The following KIAA2012 variants were observed in gnomAD, a reference collection of about 807,000 sequenced individuals.
KIAA2012 encodes uncharacterized protein KIAA2012.
KIAA2012 carries 125 observed loss-of-function variants against 150.6 expected under a neutral mutation model. That is an observed-to-expected ratio of 0.83 (90% CI 0.72 to 0.96). The LOEUF is 0.96. Among genes scored for constraint, KIAA2012 ranks in the 40% least tolerant of loss-of-function variants. KIAA2012 has a pLI of 0.00. For missense variants in KIAA2012, 1,219 were observed against 1,354.9 expected (o/e 0.90, Z 1.57); for synonymous variants, 462 against 504.7 (o/e 0.92, Z 1.13).
chr2:202,087,576 A>G (rs1253388913), intron 2 of KIAA2012, among the ~76,000 whole-genome samples: 3 of 150,452 alleles, frequency 2.0e-5, no homozygotes, highest in East Asian at 3.9e-4. Context: ...AGATTTAATT[A>G]TCTCAAGTAA....
chr2:202,153,792 A>T (rs774874871), intron 13 of KIAA2012, among the ~76,000 whole-genome samples: 2 of 152,216 alleles, frequency 1.3e-5, no homozygotes, highest in Non-Finnish European at 2.9e-5. Flanking sequence ...TGCCTGGCAT[A>T]GAAAAGACAC....
At chr2:202,180,773 C>T (rs1258523743) in intron 15 of KIAA2012, among the ~76,000 whole-genome samples, 1 of 152,058 alleles carries the variant, frequency 6.6e-6, no homozygotes, top group African/African-American at 2.4e-5. Flanking sequence ...TGTAGTGAGC[C>T]GAGATCGCAC....
intron 10 of KIAA2012, among the ~76,000 whole-genome samples, chr2:202,110,152 G>A (rs552379940): frequency 1.3e-4 from 20 of 152,158 alleles, no homozygotes; most frequent in Non-Finnish European, 2.5e-4. Flanking sequence ...AAGAGAGCCC[G>A]ATGAGCCTGC....
intron 13 of KIAA2012, among the ~76,000 whole-genome samples, chr2:202,148,663 G>A (rs947426875): frequency 2.0e-4 from 31 of 152,194 alleles, no homozygotes; most frequent in Non-Finnish European, 1.5e-5. Context: ...TCCTCAGAAA[G>A]AGGCTATGCG....
chr2:202,113,392 G>A lies in KIAA2012; in HGVS notation c.1708G>A (p.Val570Ile). Residue 570 changes from valine to isoleucine, a missense_variant, in exon 11 of 24, where the codon GTC (valine) becomes ATC (isoleucine). By Grantham distance (29) the Val-to-Ile change is conservative. Transcript: ENST00000498697. ...CTTGCTGGGTCCAGATGGAGAAAAA[G>A]TCTGCCTGTCCCTCCCAGGGCATAC... Reference protein sequence around the residue: ...HFLLGPDGEKVCLSLPGHTQT... With the variant: ...HFLLGPDGEKICLSLPGHTQT... The A allele has an allele frequency of 6.4e-7, 1 of 1,550,550 alleles. No homozygotes were observed. Among genetic ancestry groups the A allele is most frequent in the South Asian group, 1.2e-5 (1 of 84,052 alleles).
chr2:202,177,507 G>A (rs147958108), intron 15 of KIAA2012, among the ~76,000 whole-genome samples: 44 of 152,274 alleles, frequency 2.9e-4, no homozygotes, highest in African/African-American at 9.1e-4. Flanking sequence ...GTGTCCTCAC[G>A]TGGTGGGAGG....
intron 2 of KIAA2012, among the ~76,000 whole-genome samples, chr2:202,090,165 G>A (rs1298721375): frequency 1.3e-5 from 2 of 152,240 alleles, no homozygotes; most frequent in African/African-American, 2.4e-5. Flanking sequence ...TGAGGTGAAA[G>A]TTCTTTGTAT....
chr2:202,144,257 C>T (rs1044299047), intron 13 of KIAA2012, among the ~76,000 whole-genome samples: 19 of 152,038 alleles, frequency 1.2e-4, no homozygotes, highest in African/African-American at 4.6e-4. Context: ...GTGTTATATC[C>T]CTTTCTTCAC....
At chr2:202,162,928 CAAAAAA>C (rs530486463) in intron 14 of KIAA2012, among the ~76,000 whole-genome samples, 1 of 90,224 alleles carries the variant, frequency 1.1e-5, no homozygotes. Context: ...GACTCCGTCT[CAAAAAA>C]AAAAAAAAAA....
intron 2 of KIAA2012, among the ~76,000 whole-genome samples, 173 bp downstream of exon 2, chr2:202,075,348 C>T (rs1689303875): frequency 6.6e-6 from 1 of 152,204 alleles, no homozygotes; most frequent in East Asian, 1.9e-4. Flanking sequence ...CTGCTGCACA[C>T]CATTGTCACA....
intron 13 of KIAA2012, among the ~76,000 whole-genome samples, chr2:202,144,865 T>C (rs950977247): frequency 6.6e-6 from 1 of 152,246 alleles, no homozygotes; most frequent in African/African-American, 2.4e-5. Context: ...AGAAAAACCC[T>C]ATCTCCTCTA....
At position 202,109,719 on chromosome 2, in the gene KIAA2012, A is replaced by C; in HGVS notation, c.1581A>C (p.Thr527=). Reference sequence around the variant, plus strand: ...AGAAGGGCGTGGACAGCCCTAGGACATCAGACCACAACAGCCCCCCAAGTC... The same window carrying C: ...AGAAGGGCGTGGACAGCCCTAGGACCTCAGACCACAACAGCCCCCCAAGTC... ...ESQKGVDSPR[T]SDHNSPPSLP... Residue 527 remains threonine, a synonymous_variant, in exon 10 of 24, where the codon ACA becomes ACC. Transcript: ENST00000498697. 6.4e-7 allele frequency: 1 copy of C among 1,550,562 alleles called. No homozygotes were observed. Among genetic ancestry groups the C allele is most frequent in the Non-Finnish European group, 8.7e-7 (1 of 1,146,956 alleles).
rs75115647 is a variant in KIAA2012, at chr2:202,123,573, C to T, written c.1763-1641C>T. ...GTGTGTGCCCTGAGATGCAGGAGCA[C>T]CGAGAGGCAGGCTTTGTCAAGCCCC... On this transcript the variant is annotated intron_variant, in intron 11 of 23. Coordinates refer to ENST00000498697, the MANE Select transcript of KIAA2012 (RefSeq NM_001277372.4). Among the ~76,000 whole-genome samples, 215 of 152,260 alleles carry T rather than the reference C, an allele frequency of 1.4e-3. 5 individuals carry two copies. In the East Asian group the frequency reaches 0.041, roughly 29 times the overall value.
In KIAA2012 at chr2:202,165,282, A is replaced by G. The variant is rs1427563642; in HGVS notation, c.2047-2A>G. The G allele has an allele frequency of 6.5e-7, 1 of 1,550,164 alleles. No homozygotes were observed. Among genetic ancestry groups the G allele is most frequent in the Admixed American group, 2.0e-5 (1 of 50,996 alleles). On this transcript the variant is annotated splice_acceptor_variant, in intron 14 of 23. Transcript: ENST00000498697. LOFTEE classifies it high-confidence loss of function. ...ATTCTTTGTTGTGTGTTAACCCAATAGGAAAGTGGAAATGCACTGGACTAT... is the reference window on the plus strand; with the variant it reads ...ATTCTTTGTTGTGTGTTAACCCAATGGGAAAGTGGAAATGCACTGGACTAT...
chr2:202,112,085 A>G (rs950706050), intron 10 of KIAA2012, among the ~76,000 whole-genome samples: 7 of 152,166 alleles, frequency 4.6e-5, no homozygotes, highest in Non-Finnish European at 1.0e-4. Context: ...GTTATTAATA[A>G]TGAGCCCCTT....
Position 202,192,514 on chromosome 2 carries a change from A to G in KIAA2012, c.2812-787A>G, listed in dbSNP as rs539678047. Among the ~76,000 whole-genome samples the G allele has an allele frequency of 2.0e-5, 3 of 147,610 alleles. No homozygotes were observed. The Admixed American group carries it at 2.1e-4, about 10-fold the overall frequency. ...CTCTTTTTGCCCAGGCTGGAGTGCAATGGCGCAATCTCGGCTCACCGCAAC... is the reference window on the plus strand; with the variant it reads ...CTCTTTTTGCCCAGGCTGGAGTGCAGTGGCGCAATCTCGGCTCACCGCAAC... On this transcript the variant is annotated intron_variant, in intron 19 of 23. Transcript: ENST00000498697.
At chr2:202,136,005 AAAT>A in intron 12 of KIAA2012, 1 of 329,982 alleles carries the variant, frequency 3.0e-6, no homozygotes, top group Non-Finnish European at 6.2e-6. Context: ...AAAAAAAAAA[AAAT>A]TTTTTTTGAA....
chr2:202,154,374 T>C (rs1051443277), intron 13 of KIAA2012, among the ~76,000 whole-genome samples: 1 of 152,318 alleles, frequency 6.6e-6, no homozygotes, highest in Admixed American at 6.5e-5. Context: ...GTTTCCTGTC[T>C]GTATAATGGG....
rs902559663 is a variant in KIAA2012 at position 202,163,781 on chromosome 2, A to ATT, written c.2047-1477_2047-1476dup. ...TTACTCCTTTCCATTTATTCAGGGAATTTTTTTTTTTTTTTTTTTTTTTTT... is the reference window on the plus strand; with the variant it reads ...TTACTCCTTTCCATTTATTCAGGGAATTTTTTTTTTTTTTTTTTTTTTTTTTT... On this transcript the variant is annotated intron_variant, in intron 14 of 23. Transcript: ENST00000498697. Among the ~76,000 whole-genome samples, 869 of 106,316 alleles carry ATT rather than the reference A, an allele frequency of 8.2e-3. 49 individuals carry two copies. Among genetic ancestry groups the ATT allele is most frequent in the Middle Eastern group, 0.032 (5 of 158 alleles). The allele number at this position is 106,316 out of a possible 152,430, so 69.7% of individuals were successfully genotyped here. A position where few individuals can be genotyped will look rare whatever the true frequency, so the allele number is the denominator to read the frequency against.
Sources: allele counts gnomAD v4.1 joint callset (sites outside exome capture counted in the v4.1 genomes callset), GRCh38; gene constraint gnomAD v4.1.1; transcripts MANE v1.5; gene names NCBI Gene and HGNC (gene_info 2026-07-23, HGNC 2026-07-21).